DDX39B: variants seen among roughly 807,000 people sequenced by gnomAD.
DDX39B encodes the protein DExD-box helicase 39B.
A neutral mutation model predicts 46.4 loss-of-function variants in DDX39B; 6 were observed. The ratio of observed to expected loss-of-function variants is 0.13; its 90% CI spans 0.07 to 0.26. The LOEUF is 0.26. Ranked by LOEUF, DDX39B falls within the 10% of genes least tolerant of loss-of-function variation. The pLI is 1.00. For missense variants in DDX39B, 185 were observed against 553.4 expected, an observed-to-expected ratio of 0.33 and a Z score of 6.68; for synonymous variants, 174 against 199.4, an observed-to-expected ratio of 0.87 and a Z score of 1.07.
rs767876876 is a variant in DDX39B, at chr6:31,540,587, T to C, written c.-55A>G. ...GGGATCTGGATGGGTTCTCGCAAAA[T>C]AGGTGAAAACAAGGGGTGAAGAGTA... On this transcript the variant is annotated 5_prime_UTR_variant, in exon 2 of 11. Coordinates refer to ENST00000396172, the MANE Select transcript of DDX39B (RefSeq NM_004640.7). 297 of 1,566,432 alleles carry C rather than the reference T, an allele frequency of 1.9e-4. 1 individual carries two copies. Among genetic ancestry groups the C allele is most frequent in the Non-Finnish European group, 2.2e-4 (253 of 1,142,062 alleles).
intron 1 of DDX39B, chr6:31,541,333 A>G (rs914237991): frequency 2.5e-6 from 1 of 401,328 alleles, no homozygotes; most frequent in Admixed American, 3.2e-5. Context: ...CCACCCTACA[A>G]TAAGAAAGCT....
rs895698262 is a variant in DDX39B at position 31,532,591 on chromosome 6, C to T, written c.867+189G>A. On this transcript the variant is annotated intron_variant, in intron 7 of 10. Transcript: ENST00000396172. ...TTCCTTGAGGTTATTGAGGACATAC[C>T]CGTGCCAGCCATAGAATAGAAAAGC... is the stretch of plus-strand genomic sequence containing the variant. The T allele has an allele frequency of 6.1e-6, 4 of 653,116 alleles. No homozygotes were observed. In the African/African-American group the frequency reaches 7.4e-5, roughly 12 times the overall value. The allele number at this position is 653,116 out of a possible 1,614,324, so 40.5% of individuals were successfully genotyped here. A position where few individuals can be genotyped will look rare whatever the true frequency, so the allele number is the denominator to read the frequency against.
chr6:31,541,552 C>T (rs888501088), intron 1 of DDX39B: 3 of 437,498 alleles, frequency 6.9e-6, no homozygotes, highest in Non-Finnish European at 1.4e-5. Context: ...AAACCAGCTC[C>T]TCCTCCCAGT....
chr6:31,541,269 G>T (rs1768408605), intron 1 of DDX39B: 3 of 524,004 alleles, frequency 5.7e-6, no homozygotes, highest in Non-Finnish European at 1.2e-5. Flanking sequence ...AGCATGGGGG[G>T]GAGGGGCGGT....
chr6:31,540,524 C>G lies in DDX39B; in HGVS notation c.9G>C (p.Glu3Asp), dbSNP rs371622727. MAENDVDNELLDY... is the reference protein window; with the variant it reads MADNDVDNELLDY... ...CCAAGAGCTCATTGTCCACATCGTT[C>G]TCTGCCATAACTGGGCCGGCAGGGG... Residue 3 changes from glutamate (E) to aspartate (D), a missense_variant, in exon 2 of 11, where the codon GAG becomes GAC. Glu to Asp is a conservative substitution (Grantham distance 45). This residue lies in a region of DDX39B where 30 missense variants were observed against 41.6 expected (regional missense o/e 0.72). Transcript: ENST00000396172. The G allele has an allele frequency of 1.9e-6, 3 of 1,614,036 alleles. No homozygotes were observed. Among genetic ancestry groups the G allele is most frequent in the African/African-American group, 1.3e-5 (1 of 74,932 alleles).
At position 31,535,514 on chromosome 6, in the gene DDX39B, A is replaced by C; in HGVS notation, c.617-29T>G. The C allele has an allele frequency of 6.3e-7, 1 of 1,576,212 alleles. No individual in the cohort carries two copies. The highest frequency in any genetic ancestry group is 8.7e-7 in the Non-Finnish European group (1 of 1,147,544). On this transcript the variant is annotated intron_variant, in intron 5 of 10. Coordinates refer to ENST00000396172, the MANE Select transcript of DDX39B (RefSeq NM_004640.7). This position sits in a 1 kb window ranked among gnomAD's most constrained non-coding sequence, Gnocchi z 4.6. ...CAAGAACAAGGAAAAAAATTGTAGG[A>C]GAAAATAAGCAGGTATGATAAACAA...
intron 1 of DDX39B, 33 bp downstream of exon 1, chr6:31,541,917 T>C (rs1562431051): frequency 3.1e-6 from 2 of 640,114 alleles, no homozygotes; most frequent in Non-Finnish European, 5.8e-6. Context: ...GAAGCGCAGA[T>C]GGAAACGGAT....
intron 2 of DDX39B, 24 bp downstream of exon 2, chr6:31,540,298 C>T: frequency 6.2e-7 from 1 of 1,612,194 alleles, no homozygotes; most frequent in Non-Finnish European, 8.5e-7. Flanking sequence ...CCAATGAGCA[C>T]TACATGCCCA....
chr6:31,530,241 T>C lies in DDX39B; in HGVS notation c.*193A>G. 1 of 785,002 alleles carries C rather than the reference T, an allele frequency of 1.3e-6. No individual in the cohort carries two copies. Among genetic ancestry groups the C allele is most frequent in the East Asian group, 2.7e-5 (1 of 36,962 alleles). The allele number at this position is 785,002 out of a possible 1,614,324, so 48.6% of individuals were successfully genotyped here. On this transcript the variant is annotated 3_prime_UTR_variant, in exon 11 of 11. Transcript: ENST00000396172. This position sits in a 1 kb window ranked among gnomAD's most constrained non-coding sequence, Gnocchi z 4.5. ...CACTTATAGATACCACAGACACATG[T>C]GTTTCATTTTTAGTTTTGTTAAAAA...
In DDX39B at chr6:31,535,533, TAAAC is replaced by T. The variant is rs1163812076; in HGVS notation, c.617-52_617-49del. The T allele has an allele frequency of 6.0e-6, 9 of 1,489,252 alleles. No individual in the cohort carries two copies. The highest frequency in any genetic ancestry group is 1.7e-5 in the Admixed American group (1 of 58,966). 92.3% of individuals were successfully genotyped at this position (1,489,252 alleles called of 1,614,324 possible). A position where few individuals can be genotyped will look rare whatever the true frequency, so the allele number is the denominator to read the frequency against. ...TGTAGGAGAAAATAAGCAGGTATGA[TAAAC>T]AAAGATTAGAGGTAGACTTCCCAGT... is the stretch of plus-strand genomic sequence containing the variant. On this transcript the variant is annotated intron_variant, in intron 5 of 10. Coordinates refer to ENST00000396172, the MANE Select transcript of DDX39B (RefSeq NM_004640.7). The surrounding 1 kb of genome is among the most constrained non-coding windows in gnomAD (Gnocchi z 4.6).
Position 31,540,315 on chromosome 6 carries a change from A to C in DDX39B, c.211+7T>G. 6.2e-7 allele frequency: 1 copy of C among 1,614,096 alleles called. No individual in the cohort carries two copies. The highest frequency in any genetic ancestry group is 8.5e-7 in the Non-Finnish European group (1 of 1,179,978). On this transcript the variant is annotated splice_region_variant and intron_variant, in intron 2 of 10. Coordinates refer to ENST00000396172, the MANE Select transcript of DDX39B (RefSeq NM_004640.7). ...AATGAGCACTACATGCCCAAGAGAA[A>C]ATTTACCTTCTGACGGATGCTCAAA...
chr6:31,540,442 C>T lies in DDX39B; in HGVS notation c.91G>A (p.Ala31Thr). Residue 31 changes from alanine (A) to threonine (T), a missense_variant, in exon 2 of 11, where the codon GCC becomes ACC. Coordinates refer to ENST00000396172, the MANE Select transcript of DDX39B (RefSeq NM_004640.7). The part of the protein sequence containing the change: ...AAGGDGAEAP[A>T]KKDVKGSYVS... ...TAGGAGCCCTTGACATCCTTCTTGG[C>T]AGGGGCCTCAGCCCCATCTCCCCCA... 2 of 1,614,202 alleles carry T rather than the reference C, an allele frequency of 1.2e-6. No homozygotes were observed. Among genetic ancestry groups the T allele is most frequent in the Non-Finnish European group, 1.7e-6 (2 of 1,180,044 alleles).
Position 31,538,829 on chromosome 6 carries a change from A to T in DDX39B, c.366T>A (p.Thr122=), listed in dbSNP as rs1352123108. The T allele has an allele frequency of 1.9e-6, 3 of 1,614,168 alleles. No homozygotes were observed. Among genetic ancestry groups the T allele is most frequent in the Admixed American group, 1.7e-5 (1 of 60,006 alleles). ...TGCTGATCTGAAAAGCCAACTCCCGAGTGTGACACATCACCAGTACAGACA... is the reference window on the plus strand; with the variant it reads ...TGCTGATCTGAAAAGCCAACTCCCGTGTGTGACACATCACCAGTACAGACA... ...GQVSVLVMCH[T]RELAFQISKE... The change falls in exon 4 of 11, where the codon ACT becomes ACA. Residue 122 remains threonine, a synonymous_variant. Coordinates refer to ENST00000396172, the MANE Select transcript of DDX39B (RefSeq NM_004640.7).
chr6:31,533,353 G>C lies in DDX39B; in HGVS notation c.736-442C>G, dbSNP rs545993392. ...AGAGGTGCTTCTAAGAACATGGGGTGGGGGGAGGACAACTGCTCCATTTGA... is the reference window on the plus strand; with the variant it reads ...AGAGGTGCTTCTAAGAACATGGGGTCGGGGGAGGACAACTGCTCCATTTGA... On this transcript the variant is annotated intron_variant, in intron 6 of 10. Transcript: ENST00000396172. 79 of 172,354 alleles carry C rather than the reference G, an allele frequency of 4.6e-4. No individual in the cohort carries two copies. In the South Asian group the frequency reaches 7.6e-3, roughly 17 times the overall value. 10.7% of individuals were successfully genotyped at this position (172,354 alleles called of 1,614,324 possible). A position where few individuals can be genotyped will look rare whatever the true frequency, so the allele number is the denominator to read the frequency against.
rs1177552804 is a variant in DDX39B at position 31,540,669 on chromosome 6, A to AG, written c.-132-6dup. ...ATACTATTTCTAACAGAAGAGCTGG[A>AG]GGGGGGAAAAAAAAAAGCAAGACTT... On this transcript the variant is annotated splice_region_variant and splice_polypyrimidine_tract_variant and intron_variant, in intron 1 of 10. Coordinates refer to ENST00000396172, the MANE Select transcript of DDX39B (RefSeq NM_004640.7). The AG allele has an allele frequency of 4.3e-6, 3 of 698,216 alleles. No homozygotes were observed. The highest frequency in any genetic ancestry group is 2.8e-5 in the East Asian group (1 of 35,182). 43.3% of individuals were successfully genotyped at this position (698,216 alleles called of 1,614,324 possible).
chr6:31,536,729 G>A, intron 4 of DDX39B, 46 bp from the exon 5 acceptor site: 9 of 1,598,334 alleles, frequency 5.6e-6, no homozygotes, highest in Non-Finnish European at 6.8e-6. Context: ...GAAGGAAAGA[G>A]TCCAATCCCC....
Position 31,531,275 on chromosome 6 carries a change from T to G in DDX39B, c.977+21A>C. ...CTTTTTCTCCCAAGGACACAAAATA[T>G]CTTTCCCATCTTCAGCTCACCTCTC... is the stretch of plus-strand genomic sequence containing the variant. On this transcript the variant is annotated intron_variant, in intron 8 of 10. Coordinates refer to ENST00000396172, the MANE Select transcript of DDX39B (RefSeq NM_004640.7). The surrounding 1 kb of genome is among the most constrained non-coding windows in gnomAD (Gnocchi z 5.8). The G allele has an allele frequency of 6.2e-7, 1 of 1,614,150 alleles. No homozygotes were observed. Among genetic ancestry groups the G allele is most frequent in the Non-Finnish European group, 8.5e-7 (1 of 1,180,014 alleles).
In DDX39B at chr6:31,531,436, T is replaced by C. The variant is rs772493410; in HGVS notation, c.868-31A>G. The C allele has an allele frequency of 1.2e-6, 2 of 1,604,966 alleles. No homozygotes were observed. Among genetic ancestry groups the C allele is most frequent in the Non-Finnish European group, 1.7e-6 (2 of 1,172,062 alleles). On this transcript the variant is annotated intron_variant, in intron 7 of 10. Coordinates refer to ENST00000396172, the MANE Select transcript of DDX39B (RefSeq NM_004640.7). This position sits in a 1 kb window ranked among gnomAD's most constrained non-coding sequence, Gnocchi z 5.8. ...GTGGGGTGGGGTGGGGGGTCGCAAA[T>C]TGGGGGAATAGGGGTCCATGGTGTG... is the stretch of plus-strand genomic sequence containing the variant.
Position 31,535,277 on chromosome 6 carries a change from T to C in DDX39B, c.735+90A>G. 7.7e-7 allele frequency: 1 copy of C among 1,303,302 alleles called. No homozygotes were observed. The highest frequency in any genetic ancestry group is 1.2e-5 in the South Asian group (1 of 84,582). 80.7% of individuals were successfully genotyped at this position (1,303,302 alleles called of 1,614,324 possible). A position where few individuals can be genotyped will look rare whatever the true frequency, so the allele number is the denominator to read the frequency against. ...GGGCACAAGCCGCCTTCTTGGCACT[T>C]GAATGACAAGGGAGTCTGAGGAAGA... On this transcript the variant is annotated intron_variant, in intron 6 of 10. Transcript: ENST00000396172. The surrounding 1 kb of genome is among the most constrained non-coding windows in gnomAD (Gnocchi z 4.6).
Sources: gnomAD v4.1 joint callset for allele counts on GRCh38, gnomAD v4.1.1 for gene constraint, gnomAD v4.1.1 regional missense constraint, Gnocchi (gnomAD v3.1) non-coding constraint, MANE v1.5 for transcripts, NCBI Gene and HGNC (gene_info 2026-07-23, HGNC 2026-07-21) for gene names.